Variants in TTC13 observed in about 807,000 individuals in gnomAD.
TTC13 encodes tetratricopeptide repeat domain 13, also known as tetratricopeptide repeat protein 13.
A neutral mutation model predicts 120.0 loss-of-function variants in TTC13; 62 were observed. The observed-to-expected ratio is 0.52, with a 90% CI of 0.42 to 0.64. The LOEUF (loss-of-function observed/expected upper bound fraction) is 0.64. Ranked by LOEUF, TTC13 falls within the 30% of genes least tolerant of loss-of-function variation. The probability of loss-of-function intolerance (pLI) is 0.00; values close to 1 mark genes in which losing one functional copy is unlikely to be tolerated. For synonymous variants in TTC13, 384 were observed against 393.5 expected, an observed-to-expected ratio of 0.98 and a Z score of 0.28; for missense variants, 824 against 1,050.2, an observed-to-expected ratio of 0.78 and a Z score of 2.98.
chr1:230,968,346 G>T (rs896087910), intron 1 of TTC13, among the ~76,000 whole-genome samples: 1 of 151,290 alleles, frequency 6.6e-6, no homozygotes, highest in Admixed American at 6.6e-5. Flanking sequence ...AAAACAACCC[G>T]GGTCTATTTC....
chr1:230,915,777 T>TTC (rs146519721), intron 18 of TTC13, among the ~76,000 whole-genome samples: 23 of 150,672 alleles, frequency 1.5e-4, no homozygotes, highest in East Asian at 3.9e-4. Context: ...TAAAGCTGTT[T>TTC]TCTCTCTCTC....
chr1:230,912,799 G>T, intron 18 of TTC13, 41 bp from the exon 19 acceptor site: 1 of 1,573,160 alleles, frequency 6.4e-7, no homozygotes. Flanking sequence ...TGTATTATAA[G>T]TTCAAACAGC....
chr1:230,921,359 A>G, intron 16 of TTC13, 62 bp downstream of exon 16: 4 of 1,029,514 alleles, frequency 3.9e-6, no homozygotes, highest in South Asian at 2.8e-5. Context: ...TTTCAAAAAT[A>G]TAACAAATAT....
At chr1:230,918,028 C>G (rs1193316918) in intron 17 of TTC13, among the ~76,000 whole-genome samples, 1 of 152,282 alleles carries the variant, frequency 6.6e-6, no homozygotes, top group East Asian at 1.9e-4. Flanking sequence ...TACTATATGT[C>G]CCACAGTACA....
Position 230,978,009 on chromosome 1 carries a change from T to C in TTC13, c.271+551A>G, listed in dbSNP as rs1426338302. ...TGGAAGCAAGATGTCAACGAGCAGATAAGATGGGCTTGCTCTTTTTTTCCA... is the reference window on the plus strand; with the variant it reads ...TGGAAGCAAGATGTCAACGAGCAGACAAGATGGGCTTGCTCTTTTTTTCCA... On this transcript the variant is annotated intron_variant, in intron 1 of 22. Transcript: ENST00000366661. The surrounding 1 kb of genome is among the most constrained non-coding windows in gnomAD (Gnocchi z 5.6). Among the ~76,000 whole-genome samples the C allele has an allele frequency of 6.6e-5, 10 of 152,240 alleles. No individual in the cohort carries two copies. Among genetic ancestry groups the C allele is most frequent in the Admixed American group, 4.6e-4 (7 of 15,294 alleles).
In TTC13 at chr1:230,937,586, G is replaced by A. The variant is rs572099815; in HGVS notation, c.900+1800C>T. Reference sequence around the variant, plus strand: ...TGCCAGTCTGAATCCTGAGGGGAGAGAGAGGTCTTTATTAGGAGTATCCTC... The same window carrying A: ...TGCCAGTCTGAATCCTGAGGGGAGAAAGAGGTCTTTATTAGGAGTATCCTC... On this transcript the variant is annotated intron_variant, in intron 8 of 22. Transcript: ENST00000366661. Among the ~76,000 whole-genome samples the A allele has an allele frequency of 2.6e-5, 4 of 152,350 alleles. No homozygotes were observed. The South Asian group carries it at 8.3e-4, about 32-fold the overall frequency.
At chr1:230,948,631 G>A (rs1449757532) in intron 4 of TTC13, among the ~76,000 whole-genome samples, 1 of 151,872 alleles carries the variant, frequency 6.6e-6, no homozygotes, top group Non-Finnish European at 1.5e-5. Flanking sequence ...GAGGCTATAG[G>A]AGTGCACGAT....
Position 230,954,403 on chromosome 1 carries a change from G to T in TTC13, c.443C>A (p.Ala148Asp). 6.2e-7 allele frequency: 1 copy of T among 1,606,222 alleles called. No homozygotes were observed. Among genetic ancestry groups the T allele is most frequent in the Non-Finnish European group, 8.5e-7 (1 of 1,174,908 alleles). Residue 148 changes from alanine to aspartate, a missense_variant and splice_region_variant, in exon 4 of 23, where the codon GCT (alanine) becomes GAT (aspartate). Physicochemically the swap from Ala to Asp is moderately radical, Grantham distance 126. Around this residue, in one of 4 missense-constraint regions of TTC13, gnomAD observed 430 missense variants for 626.8 expected, o/e 0.69. Transcript: ENST00000366661. ...TDNDSTNEEL[A>D]IAYVLIGSGL... Reference sequence around the variant, plus strand: ...ACTGCCAATCAAGACATAAGCAATAGCTATGAAACAAAATACAAAAATATT... The same window carrying T: ...ACTGCCAATCAAGACATAAGCAATATCTATGAAACAAAATACAAAAATATT...
At chr1:230,936,139 G>T (rs1674032484) in intron 8 of TTC13, 1 of 455,548 alleles carries the variant, frequency 2.2e-6, no homozygotes, top group South Asian at 1.5e-5. Context: ...ACGCCCAGGG[G>T]GCTGCCCACT....
chr1:230,909,951 G>A (rs1252514572), intron 20 of TTC13, among the ~76,000 whole-genome samples: 1 of 152,144 alleles, frequency 6.6e-6, no homozygotes, highest in Non-Finnish European at 1.5e-5. Context: ...GGGAAGAGAG[G>A]GAGCTGACTG....
rs944952237 is a variant in TTC13 at position 230,944,203 on chromosome 1, A to G, written c.580-305T>C. 2.6e-5 allele frequency among the ~76,000 whole-genome samples: 4 copies of G among 152,212 alleles called. No individual in the cohort carries two copies. Among genetic ancestry groups the G allele is most frequent in the South Asian group, 2.1e-4 (1 of 4,828 alleles). ...TTAAACATGGAATCAACGAATCTCA[A>G]TGGATGAGTATGTGGATACCAGCAC... On this transcript the variant is annotated intron_variant, in intron 5 of 22. Coordinates refer to ENST00000366661, the MANE Select transcript of TTC13 (RefSeq NM_024525.5). The surrounding 1 kb of genome is among the most constrained non-coding windows in gnomAD (Gnocchi z 4.0).
At chr1:230,935,666 G>A (rs954675030) in intron 8 of TTC13, among the ~76,000 whole-genome samples, 1 of 152,158 alleles carries the variant, frequency 6.6e-6, no homozygotes, top group Non-Finnish European at 1.5e-5. Context: ...GGGCCAAGCA[G>A]TGTAGGCAGT....
intron 22 of TTC13, chr1:230,908,459 G>A (rs1286707333): frequency 3.8e-6 from 2 of 530,304 alleles, no homozygotes; most frequent in Non-Finnish European, 7.1e-6. Context: ...CAAAGTGCTG[G>A]GATTACAGGT....
chr1:230,949,795 G>A (rs536719216), intron 4 of TTC13, among the ~76,000 whole-genome samples: 2 of 152,258 alleles, frequency 1.3e-5, no homozygotes, highest in South Asian at 2.1e-4. Context: ...ACAGGCGCCA[G>A]CCACCATGCC....
At chr1:230,958,893 G>A (rs560155832) in intron 2 of TTC13, among the ~76,000 whole-genome samples, 1 of 152,294 alleles carries the variant, frequency 6.6e-6, no homozygotes, top group South Asian at 2.1e-4. Flanking sequence ...CTTGGTTGGG[G>A]CTGAGGCAGG....
intron 15 of TTC13, 130 bp downstream of exon 15, chr1:230,923,709 CAG>C (rs2102801163): frequency 1.5e-6 from 1 of 681,548 alleles, no homozygotes; most frequent in Non-Finnish European, 2.6e-6. Context: ...TCCACAGGTG[CAG>C]AGTCAATCAG....
rs1470247142 is a variant in TTC13, at chr1:230,958,301, T to TG, written c.367-3dup. 7.8e-6 allele frequency: 12 copies of TG among 1,547,352 alleles called. No individual in the cohort carries two copies. The highest frequency in any genetic ancestry group is 4.1e-5 in the Admixed American group (2 of 48,756). On this transcript the variant is annotated splice_polypyrimidine_tract_variant and splice_region_variant and intron_variant, in intron 2 of 22. Transcript: ENST00000366661. ...TTCTGCAATAGACTTGGCCTGGCTC[T>TG]GGGAAAAAAAAAAAAAAAACCCATA...
intron 1 of TTC13, among the ~76,000 whole-genome samples, chr1:230,965,869 T>G (rs1677076591): frequency 6.6e-6 from 1 of 152,216 alleles, no homozygotes; most frequent in Non-Finnish European, 1.5e-5. Flanking sequence ...CAGAATGGTC[T>G]CGAACACCTG....
intron 4 of TTC13, among the ~76,000 whole-genome samples, chr1:230,952,483 C>A (rs540421839): frequency 1.3e-5 from 2 of 152,298 alleles, no homozygotes; most frequent in South Asian, 2.1e-4. Flanking sequence ...GTCTGAACTG[C>A]GAGCAAAGCA....
Sources: gnomAD v4.1 joint callset for allele counts (sites outside exome capture counted in the v4.1 genomes callset) on GRCh38, gnomAD v4.1.1 for gene constraint, gnomAD v4.1.1 regional missense constraint, Gnocchi (gnomAD v3.1) non-coding constraint, MANE v1.5 for transcripts, NCBI Gene and HGNC (gene_info 2026-07-23, HGNC 2026-07-21) for gene names.